The following LGSN variants were observed in gnomAD, a reference collection of about 807,000 sequenced individuals.
The protein encoded by LGSN is lengsin, lens protein with glutamine synthetase domain.
LGSN carries 21 observed loss-of-function variants against 19.5 expected under a neutral mutation model. The observed-to-expected ratio is 1.07, with a 90% confidence interval of 0.76 to 1.55. The LOEUF (loss-of-function observed/expected upper bound fraction) is 1.55. LGSN is among the 40% of genes most tolerant of loss of function. The pLI is 0.00. For synonymous variants in LGSN, 257 were observed against 215.6 expected, an observed-to-expected ratio of 1.19 and a Z score of -1.68; for missense variants, 673 against 608.5, an observed-to-expected ratio of 1.11 and a Z score of -1.12.
At chr6:63,542,577 G>A in the LGSN span, among the ~76,000 whole-genome samples, 4 of 151,966 alleles carry the variant, frequency 2.6e-5, no homozygotes, top group Non-Finnish European at 5.9e-5. Flanking sequence ...CTTCAGTTCA[G>A]TTTTTGCCCC....
At chr6:63,400,143 T>C in the LGSN span, among the ~76,000 whole-genome samples, 5 of 152,178 alleles carry the variant, frequency 3.3e-5, no homozygotes, top group African/African-American at 9.7e-5. Flanking sequence ...GGGTAATAAA[T>C]AGATGTTAGT....
the LGSN span, among the ~76,000 whole-genome samples, chr6:63,363,180 A>G: frequency 6.6e-6 from 1 of 152,240 alleles, no homozygotes; most frequent in African/African-American, 2.4e-5. Context: ...CATCTACACC[A>G]AAACCCCATC....
At chr6:63,382,880 T>C in the LGSN span, among the ~76,000 whole-genome samples, 1 of 152,208 alleles carries the variant, frequency 6.6e-6, no homozygotes, top group African/African-American at 2.4e-5. Flanking sequence ...ACTGTTAAGT[T>C]ACAACAGTTC....
the LGSN span, among the ~76,000 whole-genome samples, chr6:63,544,890 T>C: frequency 6.6e-6 from 1 of 152,192 alleles, no homozygotes; most frequent in South Asian, 2.1e-4. Context: ...CTAAAATAAC[T>C]ACTTTTCCCT....
the LGSN span, among the ~76,000 whole-genome samples, chr6:63,348,856 A>G: frequency 6.7e-6 from 1 of 150,356 alleles, no homozygotes; most frequent in East Asian, 2.0e-4. Context: ...TTCCTAAAGC[A>G]CTGAGATTAC....
At chr6:63,465,388 A>G in the LGSN span, among the ~76,000 whole-genome samples, 104,401 of 151,880 alleles carry the variant, frequency 0.69, 36,044 homozygotes, top group East Asian at 0.78. Flanking sequence ...CGCCATGTTG[A>G]CCAGGCTGGT....
At chr6:63,324,280 A>G (rs903555524), upstream of LGSN, among the ~76,000 whole-genome samples, 54 of 152,222 alleles carry the variant, frequency 3.5e-4, no homozygotes, top group African/African-American at 1.2e-3. Context: ...AACAACCAGC[A>G]GATTAAAGAC....
At chr6:63,438,003 T>G in the LGSN span, among the ~76,000 whole-genome samples, 30 of 152,352 alleles carry the variant, frequency 2.0e-4, no homozygotes, top group African/African-American at 7.2e-4. Flanking sequence ...CTAATCTCTG[T>G]CCACACTGCC....
the LGSN span, among the ~76,000 whole-genome samples, chr6:63,346,721 T>C: frequency 1.3e-5 from 2 of 152,128 alleles, no homozygotes; most frequent in East Asian, 3.9e-4. Context: ...CCTTAACCTA[T>C]AGGATGTGAC....
At chr6:63,568,158 C>T in the LGSN span, among the ~76,000 whole-genome samples, 1 of 152,198 alleles carries the variant, frequency 6.6e-6, no homozygotes, top group Admixed American at 6.5e-5. Flanking sequence ...TTTTAACTTC[C>T]TTCAAGAGCT....
chr6:63,353,177 C>T, the LGSN span, among the ~76,000 whole-genome samples: 1 of 152,078 alleles, frequency 6.6e-6, no homozygotes, highest in Non-Finnish European at 1.5e-5. Flanking sequence ...CAGAGAGTAG[C>T]TTTAGAGGCA....
chr6:63,443,140 C>T, the LGSN span, among the ~76,000 whole-genome samples: 1 of 152,214 alleles, frequency 6.6e-6, no homozygotes, highest in African/African-American at 2.4e-5. Flanking sequence ...GCGGACAAGC[C>T]AGCAGTGCTG....
the LGSN span, among the ~76,000 whole-genome samples, chr6:63,359,406 T>TG: frequency 2.2e-3 from 342 of 152,356 alleles, 2 homozygotes; most frequent in African/African-American, 7.8e-3. Flanking sequence ...TCAGAAGGAA[T>TG]GGTACCAGGT....
rs571830182 is a variant in LGSN at position 63,316,891 on chromosome 6, T to TATGA, written c.30+3019_30+3022dup. On this transcript the variant is annotated intron_variant, in intron 1 of 3. Transcript: ENST00000370657. ...CTGCAGCATATAAAAATACTGCAAA[T>TATGA]ATGAATATAAAAATACTTTAAATGT... Among the ~76,000 whole-genome samples the TATGA allele has an allele frequency of 1.1e-3, 166 of 152,104 alleles. 2 individuals are homozygous for TATGA. The highest frequency in any genetic ancestry group is 3.7e-3 in the African/African-American group (152 of 41,524).
the LGSN span, among the ~76,000 whole-genome samples, chr6:63,487,122 A>T: frequency 6.6e-6 from 1 of 152,060 alleles, no homozygotes; most frequent in Non-Finnish European, 1.5e-5. Context: ...GGTGTGAGCC[A>T]CCGTGCCTGG....
chr6:63,533,558 G>T, the LGSN span, among the ~76,000 whole-genome samples: 1 of 152,138 alleles, frequency 6.6e-6, no homozygotes, highest in South Asian at 2.1e-4. Context: ...TATAGTATGC[G>T]TTGTTTAATC....
At chr6:63,476,078 GTTTGT>G in the LGSN span, among the ~76,000 whole-genome samples, 4 of 152,016 alleles carry the variant, frequency 2.6e-5, no homozygotes, top group African/African-American at 4.8e-5. Flanking sequence ...TTTTTTGTTT[GTTTGT>G]TTTGTTTTGT....
At chr6:63,335,188 G>C in the LGSN span, among the ~76,000 whole-genome samples, 30 of 150,550 alleles carry the variant, frequency 2.0e-4, no homozygotes, top group Non-Finnish European at 3.0e-5. Context: ...CAGTCTCTTT[G>C]ATAGTTGGTG....
chr6:63,366,254 A>G, the LGSN span, among the ~76,000 whole-genome samples: 1 of 152,212 alleles, frequency 6.6e-6, no homozygotes, highest in Non-Finnish European at 1.5e-5. Flanking sequence ...CAGCATACAA[A>G]ATCAATGTGC....
Sources: gnomAD v4.1 joint callset for allele counts (sites outside exome capture counted in the v4.1 genomes callset) on GRCh38, gnomAD v4.1.1 for gene constraint, MANE v1.5 for transcripts, NCBI Gene and HGNC (gene_info 2026-07-23, HGNC 2026-07-21) for gene names.